NUP210L: variants seen among roughly 807,000 people sequenced by gnomAD.
NUP210L encodes the protein nucleoporin 210 like.
Under a neutral mutation model 208.5 loss-of-function variants are expected in NUP210L, and 74 were observed. That is an observed-to-expected ratio of 0.35 (90% confidence interval 0.29 to 0.43). The LOEUF (loss-of-function observed/expected upper bound fraction) is 0.43, where lower values mean the gene tolerates loss of function less well. Among genes scored for constraint, NUP210L ranks in the 20% least tolerant of loss-of-function variants. The probability of loss-of-function intolerance (pLI) is 1.00; values close to 1 mark genes in which losing one functional copy is unlikely to be tolerated. For synonymous variants in NUP210L, 780 were observed against 816.9 expected, an observed-to-expected ratio of 0.95 and a Z score of 0.77; for missense variants, 1,843 against 2,289.4, an observed-to-expected ratio of 0.81 and a Z score of 3.98.
At chr1:154,072,404 C>T (rs1242861817) in intron 16 of NUP210L, among the ~76,000 whole-genome samples, 1 of 127,536 alleles carries the variant, frequency 7.8e-6, no homozygotes, top group African/African-American at 3.0e-5. Context: ...GAGATCTCGG[C>T]TCACTGCAAG....
exon 34 of NUP210L, chr1:154,012,304 G>A (rs779199140): frequency 1.2e-6 from 2 of 1,612,602 alleles, no homozygotes; most frequent in South Asian, 1.1e-5. Flanking sequence ...GTTGAATTGA[G>A]GGTATTGGTG....
intron 33 of NUP210L, among the ~76,000 whole-genome samples, chr1:154,018,285 A>G (rs1651374626): frequency 6.6e-6 from 1 of 151,840 alleles, no homozygotes; most frequent in African/African-American, 2.4e-5. Flanking sequence ...TTTCTATTTT[A>G]CATTCATTCT....
chr1:154,085,835 C>A (rs1655595765), intron 16 of NUP210L, among the ~76,000 whole-genome samples: 1 of 152,112 alleles, frequency 6.6e-6, no homozygotes, highest in African/African-American at 2.4e-5. Flanking sequence ...AGATTTGCAA[C>A]AAGAGTGCCA....
chr1:154,093,800 A>G (rs1326801877), intron 15 of NUP210L, among the ~76,000 whole-genome samples: 2 of 152,210 alleles, frequency 1.3e-5, no homozygotes, highest in African/African-American at 2.4e-5. Context: ...TGATTTTGAT[A>G]GAAGTACAGC....
exon 30 of NUP210L, chr1:154,025,587 A>G (rs781712042): frequency 1.2e-6 from 2 of 1,613,824 alleles, no homozygotes; most frequent in Admixed American, 3.3e-5. Flanking sequence ...AAGGTTCTAT[A>G]GAAGTGACTT....
intron 37 of NUP210L, 82 bp from the exon 38 acceptor site, chr1:153,995,262 T>A (rs1649771199): frequency 1.9e-6 from 2 of 1,042,278 alleles, no homozygotes; most frequent in East Asian, 5.2e-5. Context: ...TTAATTTTTT[T>A]TGAGACAGAG....
At chr1:154,010,833 G>A (rs909931562) in intron 34 of NUP210L, among the ~76,000 whole-genome samples, 5 of 151,948 alleles carry the variant, frequency 3.3e-5, no homozygotes, top group African/African-American at 9.7e-5. Flanking sequence ...TTGCGCCATT[G>A]CACTCCAGCC....
At position 154,063,092 on chromosome 1, in the gene NUP210L, G is replaced by T. The variant is rs973796457; in HGVS notation, c.2555-1418C>A. 5.3e-5 allele frequency among the ~76,000 whole-genome samples: 8 copies of T among 152,142 alleles called. No homozygotes were observed. In the South Asian group the frequency reaches 1.7e-3, roughly 31 times the overall value. ...AAATTAAGAAGAAAACACAATCCTT[G>T]CCTTCAAAGAAACCCATAGTTTAGT... On this transcript the variant is annotated intron_variant, in intron 17 of 39. Coordinates refer to ENST00000368559, the Ensembl canonical transcript of NUP210L.
chr1:154,023,315 T>C lies in NUP210L; in HGVS notation c.4123-18A>G, dbSNP rs1473784366. 4 of 1,589,680 alleles carry C rather than the reference T, an allele frequency of 2.5e-6. No homozygotes were observed. Among genetic ancestry groups the C allele is most frequent in the African/African-American group, 2.7e-5 (2 of 74,068 alleles). On this transcript the variant is annotated intron_variant, in intron 30 of 39. Coordinates refer to ENST00000368559, the Ensembl canonical transcript of NUP210L. ...GGTGCTACCTGTGGGAGACAAAACC[T>C]ACTGGTACAGAGAAAGATGCACTGG...
At chr1:154,114,632 G>T (rs1358303857) in intron 12 of NUP210L, among the ~76,000 whole-genome samples, 1 of 151,886 alleles carries the variant, frequency 6.6e-6, no homozygotes, top group Non-Finnish European at 1.5e-5. Context: ...TAAAGACAGG[G>T]TCTCACTCTT....
chr1:154,088,927 A>G (rs1342248034), intron 16 of NUP210L, among the ~76,000 whole-genome samples: 1 of 152,182 alleles, frequency 6.6e-6, no homozygotes, highest in Non-Finnish European at 1.5e-5. Flanking sequence ...TAGTAGCTAC[A>G]TTATTGTTTA....
intron 14 of NUP210L, 136 bp from the exon 15 acceptor site, chr1:154,095,292 CCTCTCA>C: frequency 1.5e-6 from 1 of 668,144 alleles, no homozygotes; most frequent in East Asian, 2.7e-5. Context: ...GTATGCCATG[CCTCTCA>C]CTTGGAATGC....
intron 27 of NUP210L, among the ~76,000 whole-genome samples, chr1:154,030,751 A>T (rs1652171595): frequency 6.6e-6 from 1 of 150,902 alleles, no homozygotes; most frequent in Non-Finnish European, 1.5e-5. Context: ...TTTTTTTTTG[A>T]GACAGGGTCT....
chr1:153,998,925 A>G (rs1650054574), intron 37 of NUP210L, among the ~76,000 whole-genome samples: 1 of 151,900 alleles, frequency 6.6e-6, no homozygotes, highest in Non-Finnish European at 1.5e-5. Context: ...TGTGTTGCTT[A>G]GCCTGGTCTT....
At chr1:154,076,102 C>CT (rs60524355) in intron 16 of NUP210L, among the ~76,000 whole-genome samples, 19,612 of 117,812 alleles carry the variant, frequency 0.17, 2,171 homozygotes, top group East Asian at 0.39. Flanking sequence ...ACAAAGACTT[C>CT]TTTTTTTTTT....
chr1:153,997,467 G>GTTTT (rs1328725231), intron 37 of NUP210L, among the ~76,000 whole-genome samples: 11 of 126,376 alleles, frequency 8.7e-5, no homozygotes, highest in Non-Finnish European at 1.5e-4. Context: ...TTTCTTTTCT[G>GTTTT]TTTTTTTTTT....
At chr1:154,130,867 G>T (rs1571310326) in intron 7 of NUP210L, among the ~76,000 whole-genome samples, 1 of 151,996 alleles carries the variant, frequency 6.6e-6, no homozygotes, top group African/African-American at 2.4e-5. Context: ...TTACATGCAT[G>T]AGCCACTGTG....
chr1:153,997,215 C>T (rs1025538370), intron 37 of NUP210L, among the ~76,000 whole-genome samples: 1 of 151,196 alleles, frequency 6.6e-6, no homozygotes, highest in Admixed American at 6.6e-5. Context: ...CCAACCACTT[C>T]GGCCTCCCAA....
At chr1:154,031,218 T>A (rs972851002) in intron 27 of NUP210L, among the ~76,000 whole-genome samples, 1 of 152,064 alleles carries the variant, frequency 6.6e-6, no homozygotes, top group Non-Finnish European at 1.5e-5. Context: ...GTCCCCCAAA[T>A]AGCTGGGATT....
Sources: allele counts gnomAD v4.1 joint callset (sites outside exome capture counted in the v4.1 genomes callset), GRCh38; gene constraint gnomAD v4.1.1; transcripts MANE v1.5; gene names NCBI Gene and HGNC (gene_info 2026-07-23, HGNC 2026-07-21).